PLA2G4E: variants seen among roughly 807,000 people sequenced by gnomAD.
PLA2G4E encodes the protein cytosolic phospholipase A2 epsilon.
In PLA2G4E, 84 loss-of-function variants were observed where a neutral mutation model predicts 109.1. The ratio of observed to expected loss-of-function variants is 0.77; its 90% CI spans 0.65 to 0.92. The LOEUF is 0.92. Among genes scored for constraint, PLA2G4E ranks in the 40% least tolerant of loss-of-function variants. The pLI is 0.00. For synonymous variants in PLA2G4E, 469 were observed against 436.1 expected, an observed-to-expected ratio of 1.08 and a Z score of -0.94; for missense variants, 1,057 against 1,076.6, an observed-to-expected ratio of 0.98 and a Z score of 0.25.
chr15:42,015,528 G>A (rs561742735), intron 1 of PLA2G4E, among the ~76,000 whole-genome samples: 42 of 152,346 alleles, frequency 2.8e-4, no homozygotes, highest in Admixed American at 1.9e-3. Flanking sequence ...CCCTCTGATT[G>A]TTCCTCTGAA....
At chr15:42,023,688 A>T (rs1454206875) in intron 1 of PLA2G4E, among the ~76,000 whole-genome samples, 1 of 151,974 alleles carries the variant, frequency 6.6e-6, no homozygotes, top group Non-Finnish European at 1.5e-5. Context: ...ACCCTTCCCA[A>T]TCAGATAGGC....
intron 10 of PLA2G4E, chr15:41,997,483 C>A: frequency 2.5e-6 from 1 of 394,920 alleles, no homozygotes; most frequent in Non-Finnish European, 4.5e-6. Flanking sequence ...GCCCCCAAAG[C>A]CTTAGCTGGC....
At chr15:42,001,308 G>C in intron 6 of PLA2G4E, 88 bp from the exon 7 acceptor site, 6 of 1,251,936 alleles carry the variant, frequency 4.8e-6, no homozygotes, top group Non-Finnish European at 7.0e-6. Flanking sequence ...GGGACCAGAG[G>C]ATACATTCAG....
intron 4 of PLA2G4E, 81 bp downstream of exon 4, chr15:42,005,909 G>A: frequency 6.6e-7 from 1 of 1,504,690 alleles, no homozygotes; most frequent in Non-Finnish European, 9.1e-7. Context: ...AGAAGACCCT[G>A]GGGAATGGCT....
intron 1 of PLA2G4E, among the ~76,000 whole-genome samples, chr15:42,047,608 A>T (rs770612182): frequency 6.6e-6 from 1 of 152,196 alleles, no homozygotes; most frequent in Non-Finnish European, 1.5e-5. Context: ...GGGTCCTTGC[A>T]GTTCCCCCAA....
At chr15:42,015,563 T>G (rs886843559) in intron 1 of PLA2G4E, among the ~76,000 whole-genome samples, 5 of 152,256 alleles carry the variant, frequency 3.3e-5, no homozygotes, top group African/African-American at 4.8e-5. Context: ...TCTAGAGTAT[T>G]ATTTTTGAGC....
At chr15:41,987,938 C>T (rs1267612830) in intron 16 of PLA2G4E, 111 bp downstream of exon 16, 8 of 564,674 alleles carry the variant, frequency 1.4e-5, no homozygotes, top group African/African-American at 5.9e-5. Flanking sequence ...GGGGCCGCCC[C>T]CCATCACCCA....
chr15:42,028,504 T>TTTCCTGCCTC (rs1889060955), intron 1 of PLA2G4E, among the ~76,000 whole-genome samples: 1 of 152,150 alleles, frequency 6.6e-6, no homozygotes, highest in East Asian at 1.9e-4. Context: ...CCTCCTGGCT[T>TTTCCTGCCTC]CAAGCAATTT....
chr15:42,020,794 G>T (rs1217417670), intron 1 of PLA2G4E, among the ~76,000 whole-genome samples, 141 bp downstream of exon 1: 1 of 152,138 alleles, frequency 6.6e-6, no homozygotes. Flanking sequence ...CTGAGCCCAG[G>T]TCCTTGGGAT....
rs547617809 is a variant in PLA2G4E, at chr15:41,994,165, C to T, written c.1247+1195G>A. 3.9e-5 allele frequency among the ~76,000 whole-genome samples: 6 copies of T among 152,340 alleles called. No individual in the cohort carries two copies. The East Asian group carries it at 1.2e-3, about 29-fold the overall frequency. On this transcript the variant is annotated intron_variant, in intron 12 of 19. Transcript: ENST00000399518. ...CTGGCAAATTACTCTGTTTCTCCAG[C>T]TGAAAAATAATGACAATGCCTCTCT...
At chr15:42,029,710 C>G (rs556674775) in intron 1 of PLA2G4E, among the ~76,000 whole-genome samples, 6 of 152,182 alleles carry the variant, frequency 3.9e-5, no homozygotes, top group South Asian at 2.1e-4. Flanking sequence ...TCCCTCTAAG[C>G]CTGAGCTTCT....
intron 1 of PLA2G4E, among the ~76,000 whole-genome samples, chr15:42,041,085 T>C (rs1356904970): frequency 6.6e-6 from 1 of 152,238 alleles, no homozygotes; most frequent in Non-Finnish European, 1.5e-5. Context: ...TGATAGGATG[T>C]AGATTAGAGC....
At chr15:42,001,580 A>G (rs2068420381) in intron 6 of PLA2G4E, among the ~76,000 whole-genome samples, 2 of 152,246 alleles carry the variant, frequency 1.3e-5, no homozygotes, top group Non-Finnish European at 2.9e-5. Flanking sequence ...GCTGAGGCAG[A>G]TCATACTCCT....
At chr15:42,043,491 G>A (rs1310756945) in intron 1 of PLA2G4E, among the ~76,000 whole-genome samples, 4 of 149,428 alleles carry the variant, frequency 2.7e-5, no homozygotes, top group African/African-American at 4.9e-5. Context: ...CTCTTGTCCT[G>A]GGTGGCTCTC....
chr15:42,023,966 C>T (rs1269771526), intron 1 of PLA2G4E, among the ~76,000 whole-genome samples: 1 of 152,192 alleles, frequency 6.6e-6, no homozygotes, highest in Non-Finnish European at 1.5e-5. Context: ...ACTAAGTGGA[C>T]TGATCTACTG....
chr15:41,995,578 A>G lies in PLA2G4E; in HGVS notation c.1111-82T>C, dbSNP rs16972413. On this transcript the variant is annotated intron_variant, in intron 11 of 19. Coordinates refer to ENST00000399518, the Ensembl canonical transcript of PLA2G4E. Reference sequence around the variant, plus strand: ...AAGACTTAGAATGACGGCAACTTTGAAAGAACAATGGAGGAGGCAGAGCTG... The same window carrying G: ...AAGACTTAGAATGACGGCAACTTTGGAAGAACAATGGAGGAGGCAGAGCTG... 2.3e-3 allele frequency: 3,657 copies of G among 1,560,726 alleles called. 73 individuals carry two copies. The African/African-American group carries it at 0.044, about 19-fold the overall frequency.
chr15:41,990,146 A>C, exon 14 of PLA2G4E: 17 of 1,613,446 alleles, frequency 1.1e-5, no homozygotes, highest in Non-Finnish European at 1.4e-5. Context: ...TGCTTACATC[A>C]TCCTTGACAT....
At chr15:42,002,767 G>T in intron 5 of PLA2G4E, 71 bp from the exon 6 acceptor site, 2 of 1,312,194 alleles carry the variant, frequency 1.5e-6, no homozygotes, top group Non-Finnish European at 2.2e-6. Context: ...GGCGACAAAG[G>T]GAATAAATAG....
chr15:42,003,502 G>A (rs2068441796), intron 5 of PLA2G4E, among the ~76,000 whole-genome samples: 2 of 152,202 alleles, frequency 1.3e-5, no homozygotes, highest in Admixed American at 6.5e-5. Context: ...CATTTTGCAA[G>A]CCACTTTCTA....
Sources: gnomAD v4.1 joint callset for allele counts (sites outside exome capture counted in the v4.1 genomes callset) on GRCh38, gnomAD v4.1.1 for gene constraint, MANE v1.5 for transcripts, NCBI Gene and HGNC (gene_info 2026-07-23, HGNC 2026-07-21) for gene names.